Variants in MMP26 observed in about 807,000 individuals in gnomAD.
MMP26 encodes matrix metalloproteinase-26.
Under a neutral mutation model 31.0 loss-of-function variants are expected in MMP26, and 33 were observed. The ratio of observed to expected loss-of-function variants is 1.06; its 90% confidence interval spans 0.81 to 1.42. The LOEUF (loss-of-function observed/expected upper bound fraction) is 1.42. Ranked by LOEUF, MMP26 falls within the 40% of genes most tolerant of loss-of-function variation. The pLI, the probability that MMP26 is intolerant of heterozygous loss-of-function variation, is 0.00. For synonymous variants in MMP26, 122 were observed against 114.9 expected, an observed-to-expected ratio of 1.06 and a Z score of -0.40; for missense variants, 347 against 316.1, an observed-to-expected ratio of 1.10 and a Z score of -0.74.
At chr11:4,854,648 T>C (rs553714716) in intron 2 of MMP26, among the ~76,000 whole-genome samples, 76 of 152,298 alleles carry the variant, frequency 5.0e-4, no homozygotes, top group African/African-American at 1.5e-3. Context: ...AGGTCATAGC[T>C]GAACAAAAGG....
chr11:4,864,489 T>A (rs1850208084), intron 2 of MMP26, among the ~76,000 whole-genome samples: 1 of 152,178 alleles, frequency 6.6e-6, no homozygotes, highest in Admixed American at 6.6e-5. Context: ...GATGCTTTAG[T>A]TTAGGCATGA....
In MMP26 at chr11:4,874,110, A is replaced by G. The variant is rs77802830; in HGVS notation, c.-145+106769A>G. On this transcript the variant is annotated intron_variant, in intron 2 of 7. Coordinates refer to ENST00000380390, the MANE Select transcript of MMP26 (RefSeq NM_021801.5). ...GCAGCTCCAATTGTTGAAGTTTCAA[A>G]TAAAATTTTCTGCAGCGATGAAACT... Among the ~76,000 whole-genome samples the G allele has an allele frequency of 5.0e-3, 763 of 152,248 alleles. 5 individuals are homozygous for G. Among genetic ancestry groups the G allele is most frequent in the African/African-American group, 0.017 (727 of 41,570 alleles).
At chr11:4,740,635 A>T (rs1848299816) in intron 1 of MMP26, among the ~76,000 whole-genome samples, 1 of 150,618 alleles carries the variant, frequency 6.6e-6, no homozygotes, top group Non-Finnish European at 1.5e-5. Context: ...GTGAGCCGAG[A>T]TTGCACCACT....
chr11:4,799,370 G>A (rs577428859), intron 2 of MMP26, among the ~76,000 whole-genome samples: 9 of 148,470 alleles, frequency 6.1e-5, no homozygotes, highest in Admixed American at 2.7e-4. Flanking sequence ...GAGAGAGAAG[G>A]GGGGGGTCTC....
chr11:4,882,552 T>C (rs1272363955), intron 2 of MMP26: 1 of 1,613,904 alleles, frequency 6.2e-7, no homozygotes, highest in Non-Finnish European at 8.5e-7. Flanking sequence ...TTTATTCTTT[T>C]CTCCTATGTC....
At chr11:4,750,836 T>G (rs7951715) in intron 1 of MMP26, among the ~76,000 whole-genome samples, 34,396 of 151,810 alleles carry the variant, frequency 0.23, 4,212 homozygotes, top group Middle Eastern at 0.34. Context: ...ACTCTATTTG[T>G]ATGACGCCTA....
At chr11:4,986,628 T>C (rs868182699) in intron 2 of MMP26, among the ~76,000 whole-genome samples, 1 of 148,126 alleles carries the variant, frequency 6.8e-6, no homozygotes, top group Non-Finnish European at 1.5e-5. Context: ...CCTTCTGGGT[T>C]CAAGTGATTC....
At chr11:4,907,545 T>C (rs752014815) in intron 2 of MMP26, 3 of 1,614,076 alleles carry the variant, frequency 1.9e-6, no homozygotes, top group Admixed American at 1.7e-5. Context: ...CATGAGCCCA[T>C]GTATTATTTC....
intron 2 of MMP26, among the ~76,000 whole-genome samples, chr11:4,962,917 T>C (rs1564815913): frequency 1.3e-5 from 2 of 152,138 alleles, no homozygotes; most frequent in African/African-American, 2.4e-5. Flanking sequence ...CATGTCAAAG[T>C]ACAGGGGAAA....
chr11:4,986,430 C>G (rs1306518087), intron 2 of MMP26, among the ~76,000 whole-genome samples: 1 of 150,868 alleles, frequency 6.6e-6, no homozygotes, highest in Non-Finnish European at 1.5e-5. Context: ...TCACTACAGC[C>G]AAGACCTCCC....
At chr11:4,868,799 G>A (rs557795107) in intron 2 of MMP26, among the ~76,000 whole-genome samples, 107 of 152,248 alleles carry the variant, frequency 7.0e-4, no homozygotes, top group African/African-American at 2.2e-3. Context: ...GAGGCATCAC[G>A]CTACCTGACT....
intron 2 of MMP26, among the ~76,000 whole-genome samples, chr11:4,884,245 G>A (rs16906909): frequency 0.012 from 1,828 of 152,144 alleles, 29 homozygotes; most frequent in African/African-American, 0.04. Context: ...GTGAATGACC[G>A]TCCTATAAAG....
intron 2 of MMP26, among the ~76,000 whole-genome samples, chr11:4,918,974 T>C (rs1371270616): frequency 6.6e-6 from 1 of 152,250 alleles, no homozygotes; most frequent in Non-Finnish European, 1.5e-5. Flanking sequence ...GTTTCATGCC[T>C]GCATGACAAT....
chr11:4,739,090 T>C (rs1329190630), intron 1 of MMP26, among the ~76,000 whole-genome samples: 1 of 152,220 alleles, frequency 6.6e-6, no homozygotes, highest in Non-Finnish European at 1.5e-5. Flanking sequence ...CAATTAGTCT[T>C]TTAAAAGCCA....
intron 2 of MMP26, chr11:4,882,686 G>A: frequency 6.2e-7 from 1 of 1,613,856 alleles, no homozygotes; most frequent in East Asian, 2.2e-5. Context: ...CCTCTCTTTG[G>A]CACACCGCCT....
At chr11:4,945,908 A>G in intron 2 of MMP26, 2 of 488,870 alleles carry the variant, frequency 4.1e-6, no homozygotes, top group Non-Finnish European at 7.3e-6. Context: ...CTTGGTTGTA[A>G]TTTGTTGCTT....
chr11:4,865,317 G>T (rs1850219028), intron 2 of MMP26, among the ~76,000 whole-genome samples: 1 of 151,976 alleles, frequency 6.6e-6, no homozygotes, highest in Admixed American at 6.6e-5. Flanking sequence ...TATTGCCAGT[G>T]TTTGTCTAAT....
intron 1 of MMP26, among the ~76,000 whole-genome samples, chr11:4,713,741 G>T (rs188423880): frequency 2.6e-4 from 40 of 152,222 alleles, no homozygotes; most frequent in Middle Eastern, 3.4e-3. Flanking sequence ...AATATAGGAG[G>T]AAGATAAGTT....
intron 3 of MMP26, among the ~76,000 whole-genome samples, chr11:4,988,578 C>T (rs919383112): frequency 9.9e-5 from 15 of 152,108 alleles, no homozygotes; most frequent in African/African-American, 3.6e-4. Context: ...CTCTCACTTT[C>T]TTAGTCTTCT....
Sources: gnomAD v4.1 joint callset for allele counts (sites outside exome capture counted in the v4.1 genomes callset) on GRCh38, gnomAD v4.1.1 for gene constraint, MANE v1.5 for transcripts, NCBI Gene and HGNC (gene_info 2026-07-23, HGNC 2026-07-21) for gene names.